Variants in FANCB observed in about 807,000 individuals in gnomAD.
FANCB encodes the protein Fanconi anemia group B protein.
FANCB carries 5 observed loss-of-function variants against 38.9 expected under a neutral mutation model. That is an observed-to-expected ratio of 0.13 (90% CI 0.07 to 0.27). The LOEUF (loss-of-function observed/expected upper bound fraction) is 0.27, where lower values mean the gene tolerates loss of function less well. Among genes scored for constraint, FANCB ranks in the 10% least tolerant of loss-of-function variants. The probability of loss-of-function intolerance (pLI) is 1.00; values close to 1 mark genes in which losing one functional copy is unlikely to be tolerated. For missense variants in FANCB, 573 were observed against 602.7 expected (o/e 0.95, Z 0.52); for synonymous variants, 236 against 215.4 (o/e 1.10, Z -0.84).
At chrX:14,700,147 C>T in the FANCB span, among the ~76,000 whole-genome samples, 1 of 111,619 alleles carries the variant, frequency 9.0e-6, no homozygotes, top group Non-Finnish European at 1.9e-5. Flanking sequence ...GTAGCGATGT[C>T]CATGAGGCAG....
intron 3 of FANCB, among the ~76,000 whole-genome samples, chrX:14,860,424 T>C (rs933112715): frequency 6.3e-5 from 7 of 111,856 alleles, no homozygotes; most frequent in Non-Finnish European, 1.3e-4. Context: ...AAGACATTAG[T>C]AATAAGAATG....
At chrX:14,859,570 G>A (rs1360139152) in intron 3 of FANCB, among the ~76,000 whole-genome samples, 1 of 111,704 alleles carries the variant, frequency 9.0e-6, no homozygotes, top group Non-Finnish European at 1.9e-5. Context: ...ATTCAGGTTT[G>A]TCCAGGGACT....
intron 10 of FANCB, among the ~76,000 whole-genome samples, chrX:14,836,874 G>T (rs1483934340): frequency 9.0e-6 from 1 of 111,707 alleles, no homozygotes; most frequent in Non-Finnish European, 1.9e-5. Context: ...GTGTTCCCAT[G>T]GAACTTCAGT....
At chrX:14,779,716 C>A in the FANCB span, among the ~76,000 whole-genome samples, 4 of 106,855 alleles carry the variant, frequency 3.7e-5, no homozygotes, top group Non-Finnish European at 7.5e-5. Context: ...TAAAACATTG[C>A]GATAATAATC....
chrX:14,768,755 G>C, the FANCB span, among the ~76,000 whole-genome samples: 1 of 111,470 alleles, frequency 9.0e-6, no homozygotes, highest in Non-Finnish European at 1.9e-5. Flanking sequence ...CAAGGGGAAT[G>C]CTTCCAGATT....
chrX:14,755,818 A>C, the FANCB span, among the ~76,000 whole-genome samples: 4 of 111,604 alleles, frequency 3.6e-5, no homozygotes, highest in African/African-American at 3.2e-5. Context: ...ATTCATATAG[A>C]ACCACAAAAG....
the FANCB span, among the ~76,000 whole-genome samples, chrX:14,784,922 C>T: frequency 1.5e-3 from 168 of 111,916 alleles, no homozygotes; most frequent in African/African-American, 5.1e-3. Context: ...GAACAGAAAA[C>T]CAAACAGCGC....
At chrX:14,825,396 C>G in the FANCB span, among the ~76,000 whole-genome samples, 4 of 111,639 alleles carry the variant, frequency 3.6e-5, no homozygotes, top group Non-Finnish European at 7.5e-5. Flanking sequence ...TTTTCCCTCT[C>G]TGTGTTTCTG....
the FANCB span, among the ~76,000 whole-genome samples, chrX:14,772,870 T>C: frequency 9.0e-6 from 1 of 111,575 alleles, no homozygotes; most frequent in Non-Finnish European, 1.9e-5. Context: ...AAGCATGGTT[T>C]CCCAGGCAGA....
the FANCB span, among the ~76,000 whole-genome samples, chrX:14,818,123 G>A: frequency 2.7e-5 from 3 of 111,075 alleles, no homozygotes; most frequent in African/African-American, 9.8e-5. Context: ...AGATCTGATG[G>A]GTGGGTGTCA....
the FANCB span, among the ~76,000 whole-genome samples, chrX:14,714,968 T>C: frequency 8.9e-6 from 1 of 112,432 alleles, no homozygotes; most frequent in East Asian, 2.8e-4. Flanking sequence ...CTATGGGTGT[T>C]AACTGATAAG....
At chrX:14,834,820 C>G, downstream of FANCB, 2 of 551,367 alleles carry the variant, frequency 3.6e-6, no homozygotes, top group Non-Finnish European at 6.4e-6. Context: ...TCAAAATCAT[C>G]ATCATCATCA....
chrX:14,841,358 A>T (rs1422843898), downstream of FANCB, among the ~76,000 whole-genome samples: 1 of 112,467 alleles, frequency 8.9e-6, no homozygotes, highest in African/African-American at 3.2e-5. Context: ...AAAAGAAAGC[A>T]AAGTTTTACA....
the FANCB span, among the ~76,000 whole-genome samples, chrX:14,714,464 G>A: frequency 9.0e-6 from 1 of 111,578 alleles, no homozygotes; most frequent in Non-Finnish European, 1.9e-5. Flanking sequence ...ATTATGAGAA[G>A]AAATAAAGAA....
At chrX:14,700,861 T>C in the FANCB span, among the ~76,000 whole-genome samples, 1 of 109,280 alleles carries the variant, frequency 9.2e-6, no homozygotes, top group East Asian at 2.9e-4. Flanking sequence ...GATGAGAGAG[T>C]TGTTTATAGA....
In FANCB at chrX:14,866,065, T is replaced by C. The variant is rs189082026; in HGVS notation, c.-70-485A>G. 3.6e-5 allele frequency among the ~76,000 whole-genome samples: 4 copies of C among 111,868 alleles called. No homozygotes were observed. In the East Asian group the frequency reaches 1.1e-3, roughly 31 times the overall value. Reference sequence around the variant, plus strand: ...ATACTTCTCCCACAGCCCAGGCAATTGGGCTTCTGCTTTCTAGAGACAGGA... The same window carrying C: ...ATACTTCTCCCACAGCCCAGGCAATCGGGCTTCTGCTTTCTAGAGACAGGA... On this transcript the variant is annotated intron_variant, in intron 2 of 9. Transcript: ENST00000650831.
the FANCB span, chrX:14,730,488 G>A: frequency 8.4e-7 from 1 of 1,184,935 alleles, no homozygotes; most frequent in East Asian, 3.0e-5. Flanking sequence ...AGAAATAGAT[G>A]TGCCCTACAG....
chrX:14,698,181 A>AT, the FANCB span, among the ~76,000 whole-genome samples: 4 of 111,131 alleles, frequency 3.6e-5, no homozygotes, highest in East Asian at 1.1e-3. Context: ...TTCACCATGG[A>AT]TTTTTTGTAT....
chrX:14,872,692 C>T (rs1388814181), intron 1 of FANCB, among the ~76,000 whole-genome samples: 1 of 94,864 alleles, frequency 1.1e-5, no homozygotes, highest in Non-Finnish European at 2.1e-5. Flanking sequence ...CTTAATAAGC[C>T]GAAACACGCT....
Sources: gnomAD v4.1 joint callset for allele counts (sites outside exome capture counted in the v4.1 genomes callset) on GRCh38, gnomAD v4.1.1 for gene constraint, MANE v1.5 for transcripts, NCBI Gene and HGNC (gene_info 2026-07-23, HGNC 2026-07-21) for gene names.